PDE1A: variants seen among roughly 807,000 people sequenced by gnomAD.
PDE1A encodes phosphodiesterase 1A, also known as dual specificity calcium/calmodulin-dependent 3',5'-cyclic nucleotide phosphodiesterase 1A.
Under a neutral mutation model 61.7 loss-of-function variants are expected in PDE1A, and 35 were observed. The ratio of observed to expected loss-of-function variants is 0.57; its 90% CI spans 0.43 to 0.75. PDE1A has a LOEUF of 0.75. PDE1A is among the 30% of genes least tolerant of loss of function. The probability of loss-of-function intolerance (pLI) is 0.00; values close to 1 mark genes in which losing one functional copy is unlikely to be tolerated. For missense variants in PDE1A, 597 were observed against 630.6 expected, an observed-to-expected ratio of 0.95 and a Z score of 0.57; for synonymous variants, 232 against 213.2, an observed-to-expected ratio of 1.09 and a Z score of -0.77.
chr2:182,564,945 T>C, the PDE1A span, among the ~76,000 whole-genome samples: 22 of 152,176 alleles, frequency 1.4e-4, no homozygotes, highest in African/African-American at 4.8e-4. Context: ...ATTCTAGTTA[T>C]ACATTCGTCT....
In PDE1A at chr2:182,273,437, A is replaced by T. The variant is rs1693177830; in HGVS notation, c.54-9023T>A. ...CTAGGCTCTTTTAGGCATATGGCTA[A>T]GCCAAGGATAAAAAAAAATAGATTT... On this transcript the variant is annotated intron_variant, in intron 1 of 13. Transcript: ENST00000351439. Among the ~76,000 whole-genome samples the T allele has an allele frequency of 1.3e-5, 2 of 151,668 alleles. 1 individual carries two copies. The highest frequency in any genetic ancestry group is 4.8e-5 in the African/African-American group (2 of 41,414).
At chr2:182,623,898 G>A in the PDE1A span, among the ~76,000 whole-genome samples, 1 of 152,084 alleles carries the variant, frequency 6.6e-6, no homozygotes, top group Non-Finnish European at 1.5e-5. Context: ...GGCCGAGACG[G>A]GCGGATCACG....
chr2:182,385,994 T>C (rs967939522), intron 1 of PDE1A, among the ~76,000 whole-genome samples: 1 of 152,180 alleles, frequency 6.6e-6, no homozygotes, highest in African/African-American at 2.4e-5. Flanking sequence ...CGAGTGCCTG[T>C]GATTGCGGGC....
chr2:182,416,482 T>C (rs889901799), intron 1 of PDE1A, among the ~76,000 whole-genome samples: 1 of 152,234 alleles, frequency 6.6e-6, no homozygotes, highest in African/African-American at 2.4e-5. Flanking sequence ...TTCCTTTTTT[T>C]AAACTCACAT....
the PDE1A span, among the ~76,000 whole-genome samples, chr2:182,536,954 T>C: frequency 3.3e-5 from 5 of 152,184 alleles, no homozygotes; most frequent in African/African-American, 1.2e-4. Flanking sequence ...CCCAGCTTCT[T>C]TAGTCTTCCC....
At chr2:182,262,423 G>A (rs935760648) in intron 2 of PDE1A, among the ~76,000 whole-genome samples, 1 of 151,950 alleles carries the variant, frequency 6.6e-6, no homozygotes, top group Non-Finnish European at 1.5e-5. Flanking sequence ...ACGCCACAAT[G>A]CCTGGCTAAT....
At chr2:182,383,843 G>A (rs1700872266) in intron 1 of PDE1A, among the ~76,000 whole-genome samples, 1 of 152,206 alleles carries the variant, frequency 6.6e-6, no homozygotes, top group Non-Finnish European at 1.5e-5. Flanking sequence ...GATGCCATTT[G>A]CTTGGAGGGA....
intron 3 of PDE1A, among the ~76,000 whole-genome samples, chr2:182,235,706 G>A (rs987826336): frequency 1.3e-5 from 2 of 152,126 alleles, no homozygotes; most frequent in Non-Finnish European, 2.9e-5. Context: ...AGTCCACAAC[G>A]AGCTGAATTT....
intron 2 of PDE1A, among the ~76,000 whole-genome samples, chr2:182,251,211 T>C (rs1247844971): frequency 2.6e-5 from 4 of 152,176 alleles, no homozygotes; most frequent in African/African-American, 9.7e-5. Context: ...TCATCACCTA[T>C]TGGCTGTGTA....
At chr2:182,704,214 A>AAC in the PDE1A span, among the ~76,000 whole-genome samples, 1 of 150,276 alleles carries the variant, frequency 6.7e-6, no homozygotes, top group Non-Finnish European at 1.5e-5. Flanking sequence ...CCGTCTGGAA[A>AAC]AAAAAAAAAA....
At chr2:182,654,164 A>G in the PDE1A span, among the ~76,000 whole-genome samples, 7 of 152,350 alleles carry the variant, frequency 4.6e-5, no homozygotes, top group East Asian at 1.3e-3. Context: ...TGTTAGATCA[A>G]TACCAAGTAC....
chr2:182,536,860 G>A, the PDE1A span, among the ~76,000 whole-genome samples: 1 of 152,058 alleles, frequency 6.6e-6, no homozygotes, highest in African/African-American at 2.4e-5. Flanking sequence ...GAGCCACCAC[G>A]GAAGAATTCT....
chr2:182,393,256 G>A (rs2125401371), intron 1 of PDE1A, among the ~76,000 whole-genome samples: 1 of 152,324 alleles, frequency 6.6e-6, no homozygotes, highest in African/African-American at 2.4e-5. Flanking sequence ...ACCAAGGTTT[G>A]GGGCTTGCAC....
At chr2:182,654,425 G>A in the PDE1A span, among the ~76,000 whole-genome samples, 5 of 152,160 alleles carry the variant, frequency 3.3e-5, no homozygotes, top group Admixed American at 6.5e-5. Flanking sequence ...CTGTTTCTTG[G>A]TGTTGGGAGC....
intron 6 of PDE1A, among the ~76,000 whole-genome samples, chr2:182,225,129 A>G (rs1401393748): frequency 6.6e-6 from 1 of 151,960 alleles, no homozygotes. Context: ...AAAGGCTGGA[A>G]AAAGGCTGAT....
intron 4 of PDE1A, among the ~76,000 whole-genome samples, chr2:182,231,371 A>C (rs1446388239): frequency 1.3e-5 from 2 of 152,188 alleles, no homozygotes. Flanking sequence ...TACTAAAGTG[A>C]TTTAATACAT....
intron 2 of PDE1A, among the ~76,000 whole-genome samples, chr2:182,254,586 T>C (rs1691639238): frequency 6.6e-6 from 1 of 152,160 alleles, no homozygotes; most frequent in African/African-American, 2.4e-5. Flanking sequence ...AGGGGGACTT[T>C]GGAACCATGG....
chr2:182,505,670 G>A (rs1689363790), intron 2 of PDE1A, among the ~76,000 whole-genome samples: 1 of 152,198 alleles, frequency 6.6e-6, no homozygotes, highest in African/African-American at 2.4e-5. Context: ...TCACACGCCA[G>A]TTTGAGGGTT....
chr2:182,331,446 T>C (rs1199155792), intron 1 of PDE1A, among the ~76,000 whole-genome samples: 1 of 152,206 alleles, frequency 6.6e-6, no homozygotes, highest in African/African-American at 2.4e-5. Context: ...ATAGTGTCGA[T>C]GGTCTTTACA....
Sources: allele counts gnomAD v4.1 joint callset (sites outside exome capture counted in the v4.1 genomes callset), GRCh38; gene constraint gnomAD v4.1.1; transcripts MANE v1.5; gene names NCBI Gene and HGNC (gene_info 2026-07-23, HGNC 2026-07-21).